The following FNIP1 variants were observed in gnomAD, a reference collection of about 807,000 sequenced individuals.
FNIP1 encodes folliculin interacting protein 1, also known as folliculin-interacting protein 1.
In FNIP1, 40 loss-of-function variants were observed where a neutral mutation model predicts 124.5. The ratio of observed to expected loss-of-function variants is 0.32; its 90% CI spans 0.25 to 0.42. The LOEUF is 0.42. Among genes scored for constraint, FNIP1 ranks in the 10% least tolerant of loss-of-function variants. The pLI is 1.00. For missense variants in FNIP1, 1,176 were observed against 1,403.7 expected, an observed-to-expected ratio of 0.84 and a Z score of 2.59; for synonymous variants, 472 against 470.6, an observed-to-expected ratio of 1.00 and a Z score of -0.04.
Position 131,702,105 on chromosome 5 carries a change from C to G in FNIP1, c.1116+1960G>C, listed in dbSNP as rs889802480. Among the ~76,000 whole-genome samples, 3 of 152,200 alleles carry G rather than the reference C, an allele frequency of 2.0e-5. No individual in the cohort carries two copies. In the South Asian group the frequency reaches 6.2e-4, roughly 32 times the overall value. On this transcript the variant is annotated intron_variant, in intron 10 of 17. Coordinates refer to ENST00000510461, the MANE Select transcript of FNIP1 (RefSeq NM_133372.3). ...AAATGGCCTAACAGGGAAACTGTTACTTAAATTGAGGAGACCTACTAAAAT... is the reference window on the plus strand; with the variant it reads ...AAATGGCCTAACAGGGAAACTGTTAGTTAAATTGAGGAGACCTACTAAAAT...
chr5:131,753,865 G>A lies in FNIP1; in HGVS notation c.93-9175C>T, dbSNP rs557120275. ...AGTCTCGCTCTGTCACCAGGCTGGAGTGCGGTAGCACAATCTCAGCTCACT... is the reference window on the plus strand; with the variant it reads ...AGTCTCGCTCTGTCACCAGGCTGGAATGCGGTAGCACAATCTCAGCTCACT... On this transcript the variant is annotated intron_variant, in intron 1 of 17. Transcript: ENST00000510461. Among the ~76,000 whole-genome samples the A allele has an allele frequency of 5.3e-5, 8 of 151,426 alleles. No individual in the cohort carries two copies. The East Asian group carries it at 1.6e-3, about 29-fold the overall frequency.
At chr5:131,647,264 G>A in intron 16 of FNIP1, 59 bp from the exon 17 acceptor site, 1 of 1,204,402 alleles carries the variant, frequency 8.3e-7, no homozygotes, top group Non-Finnish European at 1.2e-6. Context: ...TCTCAGTCAT[G>A]GCAAACTCCA....
intron 3 of FNIP1, among the ~76,000 whole-genome samples, chr5:131,726,462 G>C (rs1769874486): frequency 6.6e-6 from 1 of 152,062 alleles, no homozygotes; most frequent in African/African-American, 2.4e-5. Flanking sequence ...ATTTCTTCTA[G>C]ATTTTCTAGT....
At chr5:131,732,452 T>C in intron 2 of FNIP1, among the ~76,000 whole-genome samples, 2 of 152,240 alleles carry the variant, frequency 1.3e-5, no homozygotes, top group Non-Finnish European at 2.9e-5. Context: ...CTAGGGTTTT[T>C]ATGGTTTTAG....
intron 8 of FNIP1, among the ~76,000 whole-genome samples, chr5:131,708,816 T>A (rs1387632876): frequency 6.6e-6 from 1 of 152,076 alleles, no homozygotes; most frequent in Non-Finnish European, 1.5e-5. Context: ...TAACATTGAT[T>A]CAAAATGCCT....
intron 1 of FNIP1, among the ~76,000 whole-genome samples, chr5:131,765,121 CTGAGGTAAGA>C (rs1771375697): frequency 6.6e-6 from 1 of 151,934 alleles, no homozygotes; most frequent in Non-Finnish European, 1.5e-5. Flanking sequence ...ACTTGGGAGG[CTGAGGTAAGA>C]TGATCACTTG....
intron 11 of FNIP1, among the ~76,000 whole-genome samples, chr5:131,688,786 A>C (rs1220684264): frequency 4.0e-5 from 6 of 151,810 alleles, no homozygotes; most frequent in Non-Finnish European, 8.8e-5. Context: ...GAAAGAATCA[A>C]TGAACTTGAA....
Position 131,724,769 on chromosome 5 carries a change from TTTGCCTATGCCTATGTCCTGAATGGTA to T in FNIP1, c.355-5379_355-5353del, listed in dbSNP as rs560324658. Among the ~76,000 whole-genome samples the T allele has an allele frequency of 3.7e-3, 558 of 152,334 alleles. 2 individuals carry two copies. Among genetic ancestry groups the T allele is most frequent in the African/African-American group, 0.011 (452 of 41,572 alleles). On this transcript the variant is annotated intron_variant, in intron 3 of 17. Coordinates refer to ENST00000510461, the MANE Select transcript of FNIP1 (RefSeq NM_133372.3). ...CTTTTGCTGTTTTAGTCATAAAGTC[TTTGCCTATGCCTATGTCCTGAATGGTA>T]TTGCATAGGTTTTCTTCTAGGGTTT... is the stretch of plus-strand genomic sequence containing the variant.
rs1045138443 is a variant in FNIP1, at chr5:131,644,604, G to C, written c.*81C>G. On this transcript the variant is annotated 3_prime_UTR_variant, in exon 18 of 18. Transcript: ENST00000510461. ...CAGATGGAAGTCTAAAAGGGAAAAA[G>C]AATCTCCATAAATGCATGTTGTGTC... is the stretch of plus-strand genomic sequence containing the variant. 1.6e-5 allele frequency: 19 copies of C among 1,222,516 alleles called. No homozygotes were observed. Among genetic ancestry groups the C allele is most frequent in the East Asian group, 2.3e-5 (1 of 42,618 alleles). The allele number at this position is 1,222,516 out of a possible 1,614,324, so 75.7% of individuals were successfully genotyped here.
At chr5:131,793,615 G>C (rs1772482314) in intron 1 of FNIP1, among the ~76,000 whole-genome samples, 1 of 152,082 alleles carries the variant, frequency 6.6e-6, no homozygotes, top group Admixed American at 6.5e-5. Context: ...AAGGGAAGGG[G>C]GTATTTCCTG....
At chr5:131,658,574 G>A (rs1371235711) in intron 15 of FNIP1, among the ~76,000 whole-genome samples, 1 of 151,936 alleles carries the variant, frequency 6.6e-6, no homozygotes, top group Non-Finnish European at 1.5e-5. Context: ...GGGCCACAAA[G>A]GCTGATCATT....
chr5:131,752,761 G>A (rs1418015898), intron 1 of FNIP1, among the ~76,000 whole-genome samples: 1 of 152,156 alleles, frequency 6.6e-6, no homozygotes, highest in African/African-American at 2.4e-5. Context: ...AATCATCAGA[G>A]AAATGCAAAT....
chr5:131,655,752 C>CAAAA (rs35443566), intron 15 of FNIP1, among the ~76,000 whole-genome samples: 1 of 139,816 alleles, frequency 7.2e-6, no homozygotes, highest in South Asian at 2.3e-4. Context: ...ACTAAAAATA[C>CAAAA]AAAAAAAAAA....
At chr5:131,779,548 C>T (rs1363586798) in intron 1 of FNIP1, among the ~76,000 whole-genome samples, 1 of 151,338 alleles carries the variant, frequency 6.6e-6, no homozygotes, top group Non-Finnish European at 1.5e-5. Context: ...ATTAGCCAGG[C>T]ATGGCGGCGT....
chr5:131,749,020 T>A (rs1770779729), intron 1 of FNIP1, among the ~76,000 whole-genome samples: 1 of 152,092 alleles, frequency 6.6e-6, no homozygotes, highest in Non-Finnish European at 1.5e-5. Context: ...GTTAAAAAAA[T>A]TTAACTGAAA....
At chr5:131,753,034 T>C (rs1346336522) in intron 1 of FNIP1, among the ~76,000 whole-genome samples, 2 of 152,180 alleles carry the variant, frequency 1.3e-5, no homozygotes, top group Non-Finnish European at 2.9e-5. Context: ...ATTGCATCAC[T>C]GCACTCCAGC....
chr5:131,786,327 AATATAGATATAT>A (rs1772217818), intron 1 of FNIP1, among the ~76,000 whole-genome samples: 1 of 152,230 alleles, frequency 6.6e-6, no homozygotes, highest in Non-Finnish European at 1.5e-5. Context: ...GTGAAGTATT[AATATAGATATAT>A]AAAAATGCAA....
intron 13 of FNIP1, 85 bp downstream of exon 13, chr5:131,677,614 TTTTA>T: frequency 7.9e-7 from 1 of 1,258,660 alleles, no homozygotes; most frequent in South Asian, 1.5e-5. Flanking sequence ...GGTAAAAGCA[TTTTA>T]TTTATTTTTG....
At chr5:131,698,257 A>C (rs181765836) in intron 11 of FNIP1, among the ~76,000 whole-genome samples, 110 of 152,320 alleles carry the variant, frequency 7.2e-4, no homozygotes, top group African/African-American at 2.5e-3. Flanking sequence ...ATGCTATTCT[A>C]TCTCTCTAGT....
Sources: gnomAD v4.1 joint callset for allele counts (sites outside exome capture counted in the v4.1 genomes callset) on GRCh38, gnomAD v4.1.1 for gene constraint, MANE v1.5 for transcripts, NCBI Gene and HGNC (gene_info 2026-07-23, HGNC 2026-07-21) for gene names.